SPPL3: variants seen among roughly 807,000 people sequenced by gnomAD.
SPPL3 encodes the protein signal peptide peptidase-like 3.
A neutral mutation model predicts 42.4 loss-of-function variants in SPPL3; 5 were observed. That is an observed-to-expected ratio of 0.12 (90% CI 0.06 to 0.25). The LOEUF (loss-of-function observed/expected upper bound fraction) is 0.25, where lower values mean the gene tolerates loss of function less well. Among genes scored for constraint, SPPL3 ranks in the 10% least tolerant of loss-of-function variants. SPPL3 has a pLI of 1.00. For synonymous variants in SPPL3, 195 were observed against 181.8 expected (o/e 1.07, Z -0.58); for missense variants, 235 against 489.0 (o/e 0.48, Z 4.90).
chr12:120,881,717 G>A (rs1459102745), intron 1 of SPPL3, among the ~76,000 whole-genome samples: 1 of 151,200 alleles, frequency 6.6e-6, no homozygotes, highest in East Asian at 1.9e-4. Context: ...GTATTATCCA[G>A]CCTTTAAAAG....
At chr12:120,789,504 G>C (rs939814492) in intron 3 of SPPL3, among the ~76,000 whole-genome samples, 74 of 143,504 alleles carry the variant, frequency 5.2e-4, no homozygotes, top group African/African-American at 1.9e-3. Context: ...CCACTCTTTA[G>C]ACTGTGCTTC....
intron 1 of SPPL3, among the ~76,000 whole-genome samples, chr12:120,812,548 T>C (rs1870720263): frequency 6.6e-6 from 1 of 152,206 alleles, no homozygotes; most frequent in Admixed American, 6.5e-5. Context: ...ACATGGTAAC[T>C]GAAGTCATAG....
intron 1 of SPPL3, among the ~76,000 whole-genome samples, chr12:120,812,285 C>A (rs1870710963): frequency 6.6e-6 from 1 of 152,142 alleles, no homozygotes; most frequent in East Asian, 1.9e-4. Flanking sequence ...CAGGCATGCA[C>A]CACACCTGGC....
chr12:120,772,999 C>T (rs1401160701), intron 6 of SPPL3, among the ~76,000 whole-genome samples: 2 of 152,068 alleles, frequency 1.3e-5, no homozygotes, highest in African/African-American at 2.4e-5. Flanking sequence ...TTCATACAAC[C>T]AACCTGGTAA....
intron 2 of SPPL3, among the ~76,000 whole-genome samples, chr12:120,792,497 C>T (rs1178182908): frequency 2.0e-5 from 3 of 151,798 alleles, no homozygotes; most frequent in Non-Finnish European, 1.5e-5. Context: ...GTCAGAAGAT[C>T]GAGACCATCC....
At chr12:120,845,100 G>A (rs1871974505) in intron 1 of SPPL3, 8 of 384,318 alleles carry the variant, frequency 2.1e-5, no homozygotes, top group South Asian at 2.0e-4. Context: ...AGAGGGAGGG[G>A]TGTCGCATTC....
chr12:120,776,451 T>C (rs1285430008), intron 6 of SPPL3, among the ~76,000 whole-genome samples: 1 of 152,178 alleles, frequency 6.6e-6, no homozygotes, highest in Admixed American at 6.5e-5. Context: ...ATTCCTCCTT[T>C]AGTGAGTCTG....
chr12:120,768,571 A>AAGGAGG, intron 7 of SPPL3, 83 bp from the exon 8 acceptor site: 1 of 1,437,046 alleles, frequency 7.0e-7, no homozygotes, highest in Non-Finnish European at 9.5e-7. Flanking sequence ...TCTTAAGAGC[A>AAGGAGG]GAGTCTCAGA....
chr12:120,775,086 C>A (rs1265849870), intron 6 of SPPL3, among the ~76,000 whole-genome samples: 3 of 152,080 alleles, frequency 2.0e-5, no homozygotes, highest in Non-Finnish European at 2.9e-5. Flanking sequence ...TGCTCACATT[C>A]GCGATACAGG....
At chr12:120,861,061 C>T (rs1338041389) in intron 1 of SPPL3, among the ~76,000 whole-genome samples, 3 of 152,012 alleles carry the variant, frequency 2.0e-5, no homozygotes, top group East Asian at 1.9e-4. Flanking sequence ...ACAATGAAAA[C>T]GCTATATAAA....
chr12:120,861,605 T>G (rs688402), intron 1 of SPPL3, among the ~76,000 whole-genome samples: 4 of 152,042 alleles, frequency 2.6e-5, no homozygotes, highest in African/African-American at 4.8e-5. Context: ...GATGTCTTCA[T>G]TGAAACGCAT....
intron 6 of SPPL3, among the ~76,000 whole-genome samples, chr12:120,771,015 T>C (rs1242740044): frequency 2.6e-5 from 4 of 152,132 alleles, no homozygotes; most frequent in Non-Finnish European, 5.9e-5. Context: ...CCCGTCTCTC[T>C]TTTACACCCT....
chr12:120,866,177 T>C (rs1042627087), intron 1 of SPPL3, among the ~76,000 whole-genome samples: 1 of 152,126 alleles, frequency 6.6e-6, no homozygotes, highest in African/African-American at 2.4e-5. Flanking sequence ...CATAAAGTAA[T>C]GTGCTTGAAT....
At chr12:120,838,565 C>A (rs930632511) in intron 1 of SPPL3, among the ~76,000 whole-genome samples, 4 of 152,226 alleles carry the variant, frequency 2.6e-5, no homozygotes, top group Admixed American at 1.3e-4. Context: ...TTCAGCTACT[C>A]TATTGGAAAA....
chr12:120,864,391 C>T (rs909840630), intron 1 of SPPL3, among the ~76,000 whole-genome samples: 25 of 152,058 alleles, frequency 1.6e-4, no homozygotes, highest in African/African-American at 3.1e-4. Context: ...AAAAATCAGC[C>T]GGGTGTGGTG....
chr12:120,771,603 C>A (rs1224527377), intron 6 of SPPL3, among the ~76,000 whole-genome samples: 1 of 152,096 alleles, frequency 6.6e-6, no homozygotes, highest in Non-Finnish European at 1.5e-5. Context: ...TGAAGGTTCC[C>A]CGAGAGCATG....
intron 1 of SPPL3, among the ~76,000 whole-genome samples, chr12:120,856,871 C>T (rs1021392285): frequency 9.9e-5 from 15 of 152,154 alleles, no homozygotes; most frequent in African/African-American, 3.1e-4. Flanking sequence ...ACAACAGGTA[C>T]TGGCAAGCAA....
chr12:120,845,632 C>T (rs1266251581), intron 1 of SPPL3: 4 of 423,964 alleles, frequency 9.4e-6, no homozygotes, highest in East Asian at 6.0e-5. Flanking sequence ...CCCTTGAAGA[C>T]GTTGGCAAAG....
At chr12:120,871,538 A>C (rs1872931887) in intron 1 of SPPL3, among the ~76,000 whole-genome samples, 3 of 152,136 alleles carry the variant, frequency 2.0e-5, no homozygotes, top group Admixed American at 6.5e-5. Context: ...GGATCATTTG[A>C]GGTCAGGAGT....
Sources: allele counts gnomAD v4.1 joint callset (sites outside exome capture counted in the v4.1 genomes callset), GRCh38; gene constraint gnomAD v4.1.1; transcripts MANE v1.5; gene names NCBI Gene and HGNC (gene_info 2026-07-23, HGNC 2026-07-21).